CDYL2: variants seen among roughly 807,000 people sequenced by gnomAD.
CDYL2 encodes the protein chromodomain Y-like protein 2.
Under a neutral mutation model 49.4 loss-of-function variants are expected in CDYL2, and 23 were observed. That is an observed-to-expected ratio of 0.47 (90% CI 0.34 to 0.66). The LOEUF (loss-of-function observed/expected upper bound fraction) is 0.66. Among genes scored for constraint, CDYL2 ranks in the 30% least tolerant of loss-of-function variants. CDYL2 has a pLI of 0.01. For missense variants in CDYL2, 678 were observed against 656.4 expected, an observed-to-expected ratio of 1.03 and a Z score of -0.36; for synonymous variants, 360 against 268.8, an observed-to-expected ratio of 1.34 and a Z score of -3.32.
chr16:80,691,650 G>T (rs1037943055), intron 1 of CDYL2, among the ~76,000 whole-genome samples: 24 of 152,160 alleles, frequency 1.6e-4, no homozygotes, highest in Admixed American at 1.2e-3. Context: ...TAAAACATAA[G>T]AACATGATCA....
chr16:80,739,186 T>C (rs537167156), intron 1 of CDYL2, among the ~76,000 whole-genome samples: 1 of 152,234 alleles, frequency 6.6e-6, no homozygotes, highest in Non-Finnish European at 1.5e-5. Flanking sequence ...TTATCTGAGG[T>C]CCCTAGAGTA....
chr16:80,679,866 T>C (rs1909903123), intron 2 of CDYL2: 3 of 445,794 alleles, frequency 6.7e-6, no homozygotes, highest in South Asian at 4.8e-5. Context: ...GAGGTGCAGA[T>C]TCTCAGGCTC....
At chr16:80,605,220 T>A (rs1906276737) in intron 6 of CDYL2, among the ~76,000 whole-genome samples, 2 of 151,500 alleles carry the variant, frequency 1.3e-5, no homozygotes, top group South Asian at 2.1e-4. Context: ...TCATAAATGA[T>A]CTATGATTAT....
chr16:80,792,035 A>G (rs760398976), intron 1 of CDYL2, among the ~76,000 whole-genome samples: 8 of 152,172 alleles, frequency 5.3e-5, no homozygotes, highest in Non-Finnish European at 7.3e-5. Flanking sequence ...TAGAACACAC[A>G]TGGCATCTGC....
chr16:80,656,315 G>A (rs1408954219), intron 2 of CDYL2, among the ~76,000 whole-genome samples: 2 of 152,214 alleles, frequency 1.3e-5, no homozygotes, highest in African/African-American at 2.4e-5. Flanking sequence ...CCCAGGCCTA[G>A]GCCAAAGATT....
chr16:80,686,774 A>C (rs531805045), intron 1 of CDYL2, among the ~76,000 whole-genome samples: 19 of 152,386 alleles, frequency 1.2e-4, no homozygotes, highest in African/African-American at 3.8e-4. Context: ...ATATGCAAAT[A>C]ACTAGACCAT....
rs140866665 is a variant in CDYL2 at position 80,729,213 on chromosome 16, G to C, written c.25-44084C>G. 4.6e-5 allele frequency among the ~76,000 whole-genome samples: 7 copies of C among 152,274 alleles called. No individual in the cohort carries two copies. The South Asian group carries it at 8.3e-4, about 18-fold the overall frequency. On this transcript the variant is annotated intron_variant, in intron 1 of 6. Coordinates refer to ENST00000570137, the MANE Select transcript of CDYL2 (RefSeq NM_152342.4). ...GTTGTATTCAGGAAACCCATTTCACGTGCAGAGACACACATAGGCTCAAAA... is the reference window on the plus strand; with the variant it reads ...GTTGTATTCAGGAAACCCATTTCACCTGCAGAGACACACATAGGCTCAAAA...
At position 80,758,778 on chromosome 16, in the gene CDYL2, C is replaced by G. The variant is rs571182412; in HGVS notation, c.24+45372G>C. ...AGGATGGTTTCAATCTCCTGACCTC[C>G]TGATCCGCCCGCCTCTGCCTCCCAA... On this transcript the variant is annotated intron_variant, in intron 1 of 6. Transcript: ENST00000570137. Among the ~76,000 whole-genome samples, 214 of 151,764 alleles carry G rather than the reference C, an allele frequency of 1.4e-3. 1 individual carries two copies. Among genetic ancestry groups the G allele is most frequent in the Non-Finnish European group, 9.1e-4 (62 of 67,874 alleles).
At chr16:80,639,763 C>T (rs894404616) in intron 2 of CDYL2, 3 of 455,702 alleles carry the variant, frequency 6.6e-6, no homozygotes, top group Admixed American at 4.7e-5. Context: ...TCCCCTCCCC[C>T]TGAAGCAGTA....
At chr16:80,608,939 T>G (rs577046573) in intron 5 of CDYL2, among the ~76,000 whole-genome samples, 1 of 152,248 alleles carries the variant, frequency 6.6e-6, no homozygotes, top group Admixed American at 6.5e-5. Flanking sequence ...TTAAACTGGT[T>G]AAAGCACTTC....
At chr16:80,707,025 T>C (rs938961098) in intron 1 of CDYL2, among the ~76,000 whole-genome samples, 1 of 152,188 alleles carries the variant, frequency 6.6e-6, no homozygotes, top group Admixed American at 6.5e-5. Context: ...CATCAGAGGA[T>C]GTCGCCTCAG....
At chr16:80,755,174 T>C (rs1165430343) in intron 1 of CDYL2, among the ~76,000 whole-genome samples, 1 of 152,220 alleles carries the variant, frequency 6.6e-6, no homozygotes, top group Non-Finnish European at 1.5e-5. Context: ...GTATGTGACA[T>C]GTCCATCCTG....
intron 2 of CDYL2, among the ~76,000 whole-genome samples, chr16:80,656,443 T>G (rs2142427933): frequency 6.6e-6 from 1 of 152,358 alleles, no homozygotes; most frequent in East Asian, 1.9e-4. Context: ...GCTGCAGGGC[T>G]GGACAACTTG....
Position 80,801,913 on chromosome 16 carries a change from G to A in CDYL2, c.24+2237C>T, listed in dbSNP as rs145429600. Among the ~76,000 whole-genome samples, 143 of 152,206 alleles carry A rather than the reference G, an allele frequency of 9.4e-4. 1 individual carries two copies. Among genetic ancestry groups the A allele is most frequent in the African/African-American group, 3.3e-3 (137 of 41,546 alleles). On this transcript the variant is annotated intron_variant, in intron 1 of 6. Coordinates refer to ENST00000570137, the MANE Select transcript of CDYL2 (RefSeq NM_152342.4). Reference sequence around the variant, plus strand: ...ACAGGCTATAAAAATGTTGACATTCGTTATATTCTCGTAATGCAATTTAGC... The same window carrying A: ...ACAGGCTATAAAAATGTTGACATTCATTATATTCTCGTAATGCAATTTAGC...
chr16:80,779,417 C>T (rs1907193109), intron 1 of CDYL2, among the ~76,000 whole-genome samples: 1 of 152,062 alleles, frequency 6.6e-6, no homozygotes, highest in African/African-American at 2.4e-5. Flanking sequence ...CTAGCAATAT[C>T]CTTCCTGGAT....
chr16:80,669,099 C>T (rs975816466), intron 2 of CDYL2, among the ~76,000 whole-genome samples: 1 of 151,822 alleles, frequency 6.6e-6, no homozygotes, highest in Non-Finnish European at 1.5e-5. Context: ...TTTGTCTCCT[C>T]TTTCTTGAAA....
chr16:80,749,821 G>C (rs529165653), intron 1 of CDYL2, among the ~76,000 whole-genome samples: 129 of 152,224 alleles, frequency 8.5e-4, no homozygotes, highest in Middle Eastern at 3.4e-3. Flanking sequence ...CAATAGCAAA[G>C]ACTTGGAACC....
At chr16:80,639,140 T>G (rs1425140497) in intron 2 of CDYL2, among the ~76,000 whole-genome samples, 1 of 152,112 alleles carries the variant, frequency 6.6e-6, no homozygotes, top group Non-Finnish European at 1.5e-5. Flanking sequence ...GCAAGGAAAT[T>G]AAAGCCAGGA....
At chr16:80,776,991 GT>G (rs565016040) in intron 1 of CDYL2, among the ~76,000 whole-genome samples, 29 of 147,138 alleles carry the variant, frequency 2.0e-4, no homozygotes, top group African/African-American at 6.5e-4. Context: ...CTAATTTTTT[GT>G]TTTTTTTTTA....
Sources: gnomAD v4.1 joint callset for allele counts (sites outside exome capture counted in the v4.1 genomes callset) on GRCh38, gnomAD v4.1.1 for gene constraint, MANE v1.5 for transcripts, NCBI Gene and HGNC (gene_info 2026-07-23, HGNC 2026-07-21) for gene names.